Variants in EEF1AKMT1 observed in about 807,000 individuals in gnomAD.
EEF1AKMT1 encodes the protein N-6 adenine-specific DNA methyltransferase 2 (putative).
A neutral mutation model predicts 21.0 loss-of-function variants in EEF1AKMT1; 18 were observed. That is an observed-to-expected ratio of 0.86 (90% CI 0.59 to 1.27). EEF1AKMT1 has a LOEUF of 1.27. EEF1AKMT1 is among the 50% of genes most tolerant of loss of function. The pLI is 0.00. For synonymous variants in EEF1AKMT1, 109 were observed against 94.8 expected (o/e 1.15, Z -0.87); for missense variants, 246 against 258.6 (o/e 0.95, Z 0.33).
At chr13:20,767,305 CAA>C (rs61703956) in intron 1 of EEF1AKMT1, among the ~76,000 whole-genome samples, 1,798 of 40,120 alleles carry the variant, frequency 0.045, 17 homozygotes, top group African/African-American at 0.11. Flanking sequence ...GATTCTGTCT[CAA>C]AAAAAAAAAA....
At chr13:20,752,055 T>C (rs1365162365) in intron 2 of EEF1AKMT1, among the ~76,000 whole-genome samples, 1 of 152,166 alleles carries the variant, frequency 6.6e-6, no homozygotes, top group Non-Finnish European at 1.5e-5. Flanking sequence ...AGTCTTTAGG[T>C]TTCTCTAGGT....
At chr13:20,741,456 CTTT>C (rs562645355) in intron 2 of EEF1AKMT1, among the ~76,000 whole-genome samples, 16 of 112,188 alleles carry the variant, frequency 1.4e-4, no homozygotes, top group Non-Finnish European at 1.6e-4. Context: ...ATTGTAATTA[CTTT>C]TTTTTTTTTT....
chr13:20,732,143 C>T lies in EEF1AKMT1; in HGVS notation c.228-22G>A, dbSNP rs1254918708. On this transcript the variant is annotated intron_variant, in intron 3 of 4. Transcript: ENST00000382758. ...GATTCTAGGAGACAAAATGAACACA[C>T]CATGAAACATCCTTAACAGAGAGAT... The T allele has an allele frequency of 3.1e-6, 5 of 1,589,328 alleles. No homozygotes were observed. The East Asian group carries it at 9.0e-5, about 28-fold the overall frequency.
chr13:20,754,741 C>CAAAAAAAAAA (rs56777421), intron 2 of EEF1AKMT1, among the ~76,000 whole-genome samples: 52 of 116,518 alleles, frequency 4.5e-4, no homozygotes, highest in Non-Finnish European at 5.3e-4. Flanking sequence ...ACCAAAAATA[C>CAAAAAAAAAA]AAAAAAAAAA....
In EEF1AKMT1 at chr13:20,757,650, T is replaced by C. The variant is rs1423306952; in HGVS notation, c.-19-33A>G. ...TCAAGAAATAAATGTTCTGTGCAGA[T>C]TTTGTTTCCCCTTCCCAGCCAGTAA... On this transcript the variant is annotated intron_variant, in intron 1 of 4. Transcript: ENST00000382758. 2.6e-6 allele frequency: 4 copies of C among 1,531,026 alleles called. No individual in the cohort carries two copies. The East Asian group carries it at 9.2e-5, about 35-fold the overall frequency. The allele number at this position is 1,531,026 out of a possible 1,614,324, so 94.8% of individuals were successfully genotyped here.
intron 1 of EEF1AKMT1, among the ~76,000 whole-genome samples, chr13:20,766,339 AAAAG>A (rs1276185710): frequency 6.6e-6 from 1 of 151,608 alleles, no homozygotes; most frequent in East Asian, 1.9e-4. Flanking sequence ...GAAAAAGAAA[AAAAG>A]AAACATGTAA....
Position 20,731,780 on chromosome 13 carries a change from C to T in EEF1AKMT1, c.508+61G>A. The T allele has an allele frequency of 3.3e-6, 5 of 1,530,170 alleles. No homozygotes were observed. In the South Asian group the frequency reaches 5.1e-5, roughly 16 times the overall value. 94.8% of individuals were successfully genotyped at this position (1,530,170 alleles called of 1,614,324 possible). A position where few individuals can be genotyped will look rare whatever the true frequency, so the allele number is the denominator to read the frequency against. On this transcript the variant is annotated intron_variant, in intron 4 of 4. Coordinates refer to ENST00000382758, the MANE Select transcript of EEF1AKMT1 (RefSeq NM_001318939.2). ...TGGTGGACTCAGGATTTTTTCTTGA[C>T]CCTGAAGACCTGAATAGCCACTGTC...
chr13:20,752,514 A>AT (rs1237962560), intron 2 of EEF1AKMT1, among the ~76,000 whole-genome samples: 4 of 151,546 alleles, frequency 2.6e-5, no homozygotes, highest in Admixed American at 6.6e-5. Context: ...TCATGGTGTA[A>AT]TTTTTTTTGA....
intron 4 of EEF1AKMT1, among the ~76,000 whole-genome samples, chr13:20,729,504 ACACG>A (rs1371916596): frequency 6.7e-6 from 1 of 150,258 alleles, no homozygotes; most frequent in Non-Finnish European, 1.5e-5. Context: ...ACACACACAC[ACACG>A]TACTATATAT....
chr13:20,738,689 A>G (rs544862042), intron 2 of EEF1AKMT1, among the ~76,000 whole-genome samples: 2 of 152,358 alleles, frequency 1.3e-5, no homozygotes, highest in Non-Finnish European at 1.5e-5. Context: ...TACATGGATG[A>G]GTCTTGGAAA....
At chr13:20,729,272 G>GCGT in intron 4 of EEF1AKMT1, 56 bp from the exon 5 acceptor site, 1 of 1,601,366 alleles carries the variant, frequency 6.2e-7, no homozygotes, top group East Asian at 2.2e-5. Context: ...GGAGCTCAGT[G>GCGT]CGTCCTGAGC....
At chr13:20,735,644 G>T in intron 3 of EEF1AKMT1, among the ~76,000 whole-genome samples, 1 of 152,184 alleles carries the variant, frequency 6.6e-6, no homozygotes, top group East Asian at 1.9e-4. Flanking sequence ...AGAGATCAAA[G>T]CAGATGAGGC....
At chr13:20,773,241 G>A (rs1026371902) in intron 1 of EEF1AKMT1, among the ~76,000 whole-genome samples, 7 of 152,116 alleles carry the variant, frequency 4.6e-5, no homozygotes, top group Admixed American at 6.5e-5. Context: ...ACGTTGTGAT[G>A]TACGCCCCAT....
At chr13:20,756,363 T>C (rs2058971629) in intron 2 of EEF1AKMT1, among the ~76,000 whole-genome samples, 1 of 152,234 alleles carries the variant, frequency 6.6e-6, no homozygotes, top group African/African-American at 2.4e-5. Flanking sequence ...ATGATAAAAA[T>C]ATAATTGAAA....
chr13:20,762,163 T>C (rs1237629781), intron 1 of EEF1AKMT1, among the ~76,000 whole-genome samples: 2 of 148,988 alleles, frequency 1.3e-5, no homozygotes, highest in Non-Finnish European at 2.9e-5. Flanking sequence ...ATCTTTGATG[T>C]ATTTCATCAG....
intron 1 of EEF1AKMT1, among the ~76,000 whole-genome samples, chr13:20,771,961 A>C (rs1440515840): frequency 6.6e-6 from 1 of 151,988 alleles, no homozygotes; most frequent in African/African-American, 2.4e-5. Context: ...CAGTCAGCTG[A>C]GATCTCGCCA....
At chr13:20,772,415 C>T (rs771174976) in intron 1 of EEF1AKMT1, among the ~76,000 whole-genome samples, 1 of 152,016 alleles carries the variant, frequency 6.6e-6, no homozygotes, top group African/African-American at 2.4e-5. Flanking sequence ...TTTTGGTTGC[C>T]GTAAATGGGA....
At chr13:20,738,801 A>C (rs2058844789) in intron 2 of EEF1AKMT1, among the ~76,000 whole-genome samples, 1 of 152,236 alleles carries the variant, frequency 6.6e-6, no homozygotes, top group African/African-American at 2.4e-5. Flanking sequence ...ACAGTAGATT[A>C]GTGGTTGCCA....
chr13:20,745,598 C>G (rs1355622478), intron 2 of EEF1AKMT1, among the ~76,000 whole-genome samples: 2 of 152,144 alleles, frequency 1.3e-5, no homozygotes, highest in Admixed American at 6.5e-5. Flanking sequence ...CGCCTGTAAT[C>G]CCAGCACTTT....
Sources: allele counts gnomAD v4.1 joint callset (sites outside exome capture counted in the v4.1 genomes callset), GRCh38; gene constraint gnomAD v4.1.1; transcripts MANE v1.5; gene names NCBI Gene and HGNC (gene_info 2026-07-23, HGNC 2026-07-21).